NHP2: variants seen among roughly 807,000 people sequenced by gnomAD.
NHP2 encodes H/ACA ribonucleoprotein complex subunit 2.
NHP2 carries 10 observed loss-of-function variants against 16.7 expected under a neutral mutation model. The ratio of observed to expected loss-of-function variants is 0.60; its 90% CI spans 0.37 to 1.01. The LOEUF is 1.01. Among genes scored for constraint, NHP2 ranks in the 50% least tolerant of loss-of-function variants. NHP2 has a pLI of 0.01. For synonymous variants in NHP2, 87 were observed against 78.9 expected (o/e 1.10, Z -0.54); for missense variants, 184 against 198.3 (o/e 0.93, Z 0.43).
rs1477850226 is a variant in NHP2, at chr5:178,150,958, T to G, written c.266A>C (p.Glu89Ala). Residue 89 changes from glutamate (E) to alanine (A), a missense_variant, in exon 3 of 4, where the codon GAG (glutamate) becomes GCG (alanine). By Grantham distance (107) the Glu-to-Ala change is moderately radical. Transcript: ENST00000274606. The stretch of plus-strand genomic sequence containing the variant: ...CATGACTGGGAGATGGCAGTATACC[T>G]CAATGGGCAGTGTGTCTCCTGCCAA... The part of the protein sequence containing the change: ...MVLAGDTLPI[E>A]VYCHLPVMCE... 6.8e-6 allele frequency: 11 copies of G among 1,613,836 alleles called. No homozygotes were observed. The South Asian group carries it at 1.2e-4, about 18-fold the overall frequency.
chr5:178,152,542 C>G (rs1366367918), intron 2 of NHP2, among the ~76,000 whole-genome samples: 1 of 152,190 alleles, frequency 6.6e-6, no homozygotes, highest in Non-Finnish European at 1.5e-5. Context: ...TGGGATAAAG[C>G]AAGGAGGCCC....
chr5:178,153,651 G>GCCTCACCTTT lies in NHP2; in HGVS notation c.157_160+6dup. ...ACCCATCCCGGCCACGCCGCCGTCC[G>GCCTCACCTTT]CCTCACCTTTCTTGATGCATTTGTA... On this transcript the variant is annotated splice_region_variant and intron_variant, in intron 1 of 3. Coordinates refer to ENST00000274606, the MANE Select transcript of NHP2 (RefSeq NM_017838.4). 1 of 1,613,210 alleles carries GCCTCACCTTT rather than the reference G, an allele frequency of 6.2e-7. No homozygotes were observed. Among genetic ancestry groups the GCCTCACCTTT allele is most frequent in the Non-Finnish European group, 8.5e-7 (1 of 1,179,342 alleles).
chr5:178,153,457 G>T (rs1412812044), intron 2 of NHP2, 34 bp downstream of exon 2: 1 of 1,609,046 alleles, frequency 6.2e-7, no homozygotes, highest in Non-Finnish European at 8.5e-7. Flanking sequence ...TTAACGTTTA[G>T]AAATGCAAAA....
chr5:178,152,926 CA>C (rs1756313386), intron 2 of NHP2, among the ~76,000 whole-genome samples: 1 of 152,110 alleles, frequency 6.6e-6, no homozygotes, highest in Admixed American at 6.5e-5. Flanking sequence ...TCTGTCTCTG[CA>C]AAACAACAAT....
chr5:178,153,876 G>C lies in NHP2; in HGVS notation c.-59C>G, dbSNP rs1164102431. The C allele has an allele frequency of 3.2e-6, 5 of 1,550,478 alleles. No homozygotes were observed. In the African/African-American group the frequency reaches 6.8e-5, roughly 21 times the overall value. On this transcript the variant is annotated 5_prime_UTR_variant, in exon 1 of 4. Coordinates refer to ENST00000274606, the MANE Select transcript of NHP2 (RefSeq NM_017838.4). ...CGAGCCCACGCGGTCCACAGCTTTA[G>C]GCATCACTTCCAGGTCATCAGCTGC...
chr5:178,153,397 G>A (rs975134013), intron 2 of NHP2, 94 bp downstream of exon 2: 4 of 1,285,852 alleles, frequency 3.1e-6, no homozygotes, highest in Non-Finnish European at 4.5e-6. Context: ...TATGGGGCTA[G>A]GTCAGAGTTA....
Position 178,151,005 on chromosome 5 carries a change from G to A in NHP2, c.231-12C>T. The stretch of plus-strand genomic sequence containing the variant: ...CCAAAACCATGATCCTGAAATGAGA[G>A]AAAACACTGTCATCTCTGGCTTGCT... On this transcript the variant is annotated splice_polypyrimidine_tract_variant and intron_variant, in intron 2 of 3. Coordinates refer to ENST00000274606, the MANE Select transcript of NHP2 (RefSeq NM_017838.4). 4 of 1,599,862 alleles carry A rather than the reference G, an allele frequency of 2.5e-6. No homozygotes were observed. The South Asian group carries it at 3.3e-5, about 13-fold the overall frequency.
chr5:178,151,901 C>A (rs952533166), intron 2 of NHP2, among the ~76,000 whole-genome samples: 1 of 152,174 alleles, frequency 6.6e-6, no homozygotes. Flanking sequence ...GTCTCTACAG[C>A]ACCTCAAAAA....
At chr5:178,153,361 T>C (rs1756321296) in intron 2 of NHP2, 130 bp downstream of exon 2, 1 of 880,264 alleles carries the variant, frequency 1.1e-6, no homozygotes, top group East Asian at 2.5e-5. Context: ...AAAGGGACTT[T>C]ACCGACTGCT....
chr5:178,151,943 CA>C (rs1202933435), intron 2 of NHP2, among the ~76,000 whole-genome samples: 2 of 152,136 alleles, frequency 1.3e-5, no homozygotes, highest in African/African-American at 2.4e-5. Flanking sequence ...GATCTTTCTA[CA>C]CAAATCTGGT....
chr5:178,152,903 A>G (rs575086156), intron 2 of NHP2, among the ~76,000 whole-genome samples: 7 of 152,186 alleles, frequency 4.6e-5, no homozygotes, highest in Non-Finnish European at 1.0e-4. Flanking sequence ...CCCGGGCAAC[A>G]TGGCGAGACT....
intron 2 of NHP2, among the ~76,000 whole-genome samples, chr5:178,152,167 T>A (rs1756294016): frequency 6.6e-6 from 1 of 152,170 alleles, no homozygotes; most frequent in Non-Finnish European, 1.5e-5. Flanking sequence ...TCTAATCCTT[T>A]CTTCAATTGT....
chr5:178,149,552 C>T lies in NHP2; in HGVS notation c.*161G>A. On this transcript the variant is annotated 3_prime_UTR_variant, in exon 4 of 4. Coordinates refer to ENST00000274606, the MANE Select transcript of NHP2 (RefSeq NM_017838.4). ...ATGGCACTGATGGACAGAAGACTAG[C>T]ATTACCTTCATGAAAGGGCTGTTAG... 1.3e-6 allele frequency: 1 copy of T among 770,374 alleles called. No individual in the cohort carries two copies. The highest frequency in any genetic ancestry group is 1.7e-5 in the South Asian group (1 of 57,826). The allele number at this position is 770,374 out of a possible 1,614,324, so 47.7% of individuals were successfully genotyped here.
At chr5:178,152,154 C>T (rs1427750855) in intron 2 of NHP2, among the ~76,000 whole-genome samples, 1 of 152,162 alleles carries the variant, frequency 6.6e-6, no homozygotes, top group African/African-American at 2.4e-5. Flanking sequence ...CTACTCGTAC[C>T]TCTCTAATCC....
Position 178,149,944 on chromosome 5 carries a change from C to T in NHP2, c.337-106G>A. 7 of 1,227,102 alleles carry T rather than the reference C, an allele frequency of 5.7e-6. No homozygotes were observed. The Middle Eastern group carries it at 7.8e-4, about 137-fold the overall frequency. The allele number at this position is 1,227,102 out of a possible 1,614,324, so 76.0% of individuals were successfully genotyped here. On this transcript the variant is annotated intron_variant, in intron 3 of 3. Transcript: ENST00000274606. ...GCCTAATCTGGCCCACAACCATGTT[C>T]TGTTCGGTCCATGTTCTATTTAAAA...
intron 1 of NHP2, 48 bp downstream of exon 1, chr5:178,153,610 C>G: frequency 6.2e-7 from 1 of 1,613,584 alleles, no homozygotes; most frequent in Non-Finnish European, 8.5e-7. Context: ...CACCCGCGCA[C>G]CCATCCCACC....
chr5:178,151,836 T>TAGCC (rs1252119142), intron 2 of NHP2, among the ~76,000 whole-genome samples: 9 of 152,044 alleles, frequency 5.9e-5, no homozygotes, highest in African/African-American at 2.2e-4. Flanking sequence ...CAAACCCCTA[T>TAGCC]AGCCATCTGC....
At chr5:178,153,137 G>T (rs933808995) in intron 2 of NHP2, 3 of 397,418 alleles carry the variant, frequency 7.5e-6, no homozygotes, top group Admixed American at 3.7e-5. Context: ...AGCCGGAGAG[G>T]GGTCATCCCT....
At position 178,153,546 on chromosome 5, in the gene NHP2, G is replaced by A; in HGVS notation, c.175C>T (p.Gln59Ter). The change falls in exon 2 of 4, where the codon CAG (glutamine) becomes TAG (stop). Residue 59 changes from glutamine (Q) to a stop codon, truncating the protein, a stop_gained. Coordinates refer to ENST00000274606, the MANE Select transcript of NHP2 (RefSeq NM_017838.4). LOFTEE classifies it high-confidence loss of function. ...KCIKKAVKQK[Q>*]IRRGVKEVQK... Reference sequence around the variant, plus strand: ...ACCTCTTTCACCCCGCGCCGAATCTGCTTCTGCTTCACCGCTGCAACGACA... The same window carrying A: ...ACCTCTTTCACCCCGCGCCGAATCTACTTCTGCTTCACCGCTGCAACGACA... 6.2e-7 allele frequency: 1 copy of A among 1,614,188 alleles called. No individual in the cohort carries two copies. Among genetic ancestry groups the A allele is most frequent in the Non-Finnish European group, 8.5e-7 (1 of 1,180,024 alleles).
Sources: allele counts gnomAD v4.1 joint callset (sites outside exome capture counted in the v4.1 genomes callset), GRCh38; gene constraint gnomAD v4.1.1; transcripts MANE v1.5; gene names NCBI Gene and HGNC (gene_info 2026-07-23, HGNC 2026-07-21).